MOB3B: variants seen among roughly 807,000 people sequenced by gnomAD.
MOB3B encodes MOB kinase activator-like 2B.
A neutral mutation model predicts 18.7 loss-of-function variants in MOB3B; 7 were observed. The ratio of observed to expected loss-of-function variants is 0.37; its 90% CI spans 0.21 to 0.70. MOB3B has a LOEUF of 0.70. Ranked by LOEUF, MOB3B falls within the 30% of genes least tolerant of loss-of-function variation. The pLI is 0.52. For synonymous variants in MOB3B, 111 were observed against 99.9 expected, an observed-to-expected ratio of 1.11 and a Z score of -0.66; for missense variants, 253 against 281.3, an observed-to-expected ratio of 0.90 and a Z score of 0.72.
chr9:27,440,200 G>T (rs187290049), intron 2 of MOB3B, among the ~76,000 whole-genome samples: 2 of 152,100 alleles, frequency 1.3e-5, no homozygotes, highest in African/African-American at 4.8e-5. Context: ...ATACATATCT[G>T]CCCATCTGCA....
chr9:27,479,215 C>A (rs755151034), intron 1 of MOB3B, among the ~76,000 whole-genome samples: 3 of 152,098 alleles, frequency 2.0e-5, no homozygotes, highest in Non-Finnish European at 4.4e-5. Flanking sequence ...TGGCAGAAGG[C>A]ATCATATGGG....
intron 2 of MOB3B, 145 bp from the exon 3 acceptor site, chr9:27,359,381 G>A: frequency 1.1e-5 from 6 of 560,088 alleles, no homozygotes; most frequent in East Asian, 6.5e-5. Context: ...GTGTGTGTGG[G>A]GGGGGGGGGT....
At chr9:27,488,349 A>G (rs1437928231) in intron 1 of MOB3B, among the ~76,000 whole-genome samples, 1 of 152,208 alleles carries the variant, frequency 6.6e-6, no homozygotes, top group Non-Finnish European at 1.5e-5. Flanking sequence ...ATCAAGGTAC[A>G]CTGCAAACAT....
chr9:27,516,995 G>T (rs1351712970), intron 1 of MOB3B, among the ~76,000 whole-genome samples: 1 of 152,136 alleles, frequency 6.6e-6, no homozygotes, highest in Non-Finnish European at 1.5e-5. Flanking sequence ...TCTCTCAGCT[G>T]GTGGCACGAT....
intron 3 of MOB3B, among the ~76,000 whole-genome samples, chr9:27,336,572 C>T (rs1050053074): frequency 1.3e-5 from 2 of 152,060 alleles, no homozygotes; most frequent in African/African-American, 4.8e-5. Flanking sequence ...AACTCCTGCC[C>T]CTAGTAACCA....
chr9:27,445,844 C>G, intron 2 of MOB3B, among the ~76,000 whole-genome samples: 1 of 151,990 alleles, frequency 6.6e-6, no homozygotes, highest in East Asian at 1.9e-4. Flanking sequence ...CCATTGCCGG[C>G]GGATTGTCAA....
chr9:27,463,831 C>T (rs1405277307), intron 1 of MOB3B, among the ~76,000 whole-genome samples: 1 of 152,100 alleles, frequency 6.6e-6, no homozygotes, highest in East Asian at 1.9e-4. Context: ...TGGGACACGC[C>T]TGTAGTCCCA....
At chr9:27,517,647 CAAAAAAAAAAAAAA>C (rs756559270) in intron 1 of MOB3B, among the ~76,000 whole-genome samples, 1 of 54,268 alleles carries the variant, frequency 1.8e-5, no homozygotes, top group African/African-American at 8.2e-5. Flanking sequence ...GACTCTGTCT[CAAAAAAAAAAAAAA>C]AAAAAAAAAA....
chr9:27,362,606 C>T (rs1381972256), intron 2 of MOB3B, among the ~76,000 whole-genome samples: 1 of 152,098 alleles, frequency 6.6e-6, no homozygotes, highest in Non-Finnish European at 1.5e-5. Flanking sequence ...GCAAAAGCTG[C>T]AAACGGTTCA....
chr9:27,507,302 C>A (rs1358857887), intron 1 of MOB3B, among the ~76,000 whole-genome samples: 1 of 152,166 alleles, frequency 6.6e-6, no homozygotes, highest in African/African-American at 2.4e-5. Context: ...GTTTTCTTTC[C>A]AGCCAGTGGG....
At chr9:27,449,322 G>A (rs1822746258) in intron 2 of MOB3B, among the ~76,000 whole-genome samples, 1 of 152,196 alleles carries the variant, frequency 6.6e-6, no homozygotes, top group Non-Finnish European at 1.5e-5. Context: ...AAGAGTTTTG[G>A]TTGGCAGTTA....
At chr9:27,522,259 A>AAAG (rs1563889739) in intron 1 of MOB3B, among the ~76,000 whole-genome samples, 3 of 143,994 alleles carry the variant, frequency 2.1e-5, no homozygotes, top group African/African-American at 7.7e-5. Flanking sequence ...AAAAAAAAAA[A>AAAG]AAAAAAAGAA....
chr9:27,334,387 A>G (rs1228426370), intron 3 of MOB3B, among the ~76,000 whole-genome samples: 1 of 152,234 alleles, frequency 6.6e-6, no homozygotes, highest in Non-Finnish European at 1.5e-5. Context: ...AAAGGAAAGT[A>G]GACAGAGACT....
intron 1 of MOB3B, among the ~76,000 whole-genome samples, chr9:27,465,792 T>G (rs114934072): frequency 6.6e-6 from 1 of 152,206 alleles, no homozygotes; most frequent in Admixed American, 6.5e-5. Context: ...TTCCACCCTC[T>G]GAAGCCACAC....
intron 2 of MOB3B, among the ~76,000 whole-genome samples, chr9:27,441,285 T>G (rs1822591516): frequency 6.6e-6 from 1 of 151,756 alleles, no homozygotes; most frequent in African/African-American, 2.4e-5. Flanking sequence ...AGGCAGAAGA[T>G]TCATACCATA....
At chr9:27,479,391 T>C (rs916670859) in intron 1 of MOB3B, among the ~76,000 whole-genome samples, 13 of 152,154 alleles carry the variant, frequency 8.5e-5, no homozygotes, top group African/African-American at 3.1e-4. Flanking sequence ...ACTTCCCACC[T>C]CTCAACACTG....
chr9:27,326,462 TC>T lies in MOB3B; in HGVS notation c.*4124del. 2 of 398,584 alleles carry T rather than the reference TC, an allele frequency of 5.0e-6. No homozygotes were observed. The highest frequency in any genetic ancestry group is 8.8e-6 in the Non-Finnish European group (2 of 226,050). 24.7% of individuals were successfully genotyped at this position (398,584 alleles called of 1,614,324 possible). On this transcript the variant is annotated 3_prime_UTR_variant, in exon 4 of 4. Transcript: ENST00000262244. Reference sequence around the variant, plus strand: ...GACACTAGAAAAGATATACTGAAACTCAAAAAGAATACTTCAGCTCGAGTTG... The same window carrying T: ...GACACTAGAAAAGATATACTGAAACTAAAAAGAATACTTCAGCTCGAGTTG...
chr9:27,355,170 A>G (rs939560502), intron 3 of MOB3B, among the ~76,000 whole-genome samples: 2 of 152,202 alleles, frequency 1.3e-5, no homozygotes, highest in Admixed American at 6.5e-5. Context: ...TCCTCAGCAC[A>G]ACCTGTGTGG....
chr9:27,419,346 C>G (rs1332801181), intron 2 of MOB3B, among the ~76,000 whole-genome samples: 5 of 152,156 alleles, frequency 3.3e-5, no homozygotes, highest in African/African-American at 1.2e-4. Context: ...CTCACATAGC[C>G]AGGGCAAGAC....
Sources: allele counts gnomAD v4.1 joint callset (sites outside exome capture counted in the v4.1 genomes callset), GRCh38; gene constraint gnomAD v4.1.1; transcripts MANE v1.5; gene names NCBI Gene and HGNC (gene_info 2026-07-23, HGNC 2026-07-21).